Variants in ORC1 observed in about 807,000 individuals in gnomAD.
ORC1 encodes origin recognition complex, subunit 1 homolog.
Under a neutral mutation model 98.9 loss-of-function variants are expected in ORC1, and 61 were observed. The ratio of observed to expected loss-of-function variants is 0.62; its 90% confidence interval spans 0.50 to 0.76. ORC1 has a LOEUF of 0.76. ORC1 is among the 30% of genes least tolerant of loss of function. The probability of loss-of-function intolerance (pLI) is 0.00; values close to 1 mark genes in which losing one functional copy is unlikely to be tolerated. For synonymous variants in ORC1, 385 were observed against 406.9 expected (o/e 0.95, Z 0.65); for missense variants, 979 against 1,072.2 (o/e 0.91, Z 1.21).
At chr1:52,406,255 G>GT (rs1278445724), upstream of ORC1, among the ~76,000 whole-genome samples, 1 of 152,002 alleles carries the variant, frequency 6.6e-6, no homozygotes, top group African/African-American at 2.4e-5. Context: ...GCCTCCCAGA[G>GT]TGCTGGGATT....
At chr1:52,373,772 C>T (rs1646963536) in intron 16 of ORC1, among the ~76,000 whole-genome samples, 2 of 152,206 alleles carry the variant, frequency 1.3e-5, no homozygotes, top group South Asian at 4.1e-4. Context: ...TTGAGACTGT[C>T]AAAATTCAAG....
At chr1:52,408,190 A>AG, upstream of ORC1, 1 of 351,128 alleles carries the variant, frequency 2.8e-6, no homozygotes, top group South Asian at 2.2e-5. Flanking sequence ...CAGTGAGCCA[A>AG]GATCGTGCCA....
chr1:52,385,394 G>T, intron 9 of ORC1, 132 bp from the exon 10 acceptor site: 1 of 762,252 alleles, frequency 1.3e-6, no homozygotes, highest in Non-Finnish European at 2.4e-6. Flanking sequence ...TCAAATGCTA[G>T]AGAATCCCTT....
intron 9 of ORC1, 89 bp from the exon 10 acceptor site, chr1:52,385,351 T>G: frequency 2.2e-6 from 2 of 902,708 alleles, no homozygotes; most frequent in Non-Finnish European, 1.9e-6. Flanking sequence ...TGATTATGGT[T>G]TCTTGTCTAT....
upstream of ORC1, among the ~76,000 whole-genome samples, chr1:52,407,745 A>G (rs1233228529): frequency 2.0e-5 from 3 of 151,634 alleles, no homozygotes; most frequent in African/African-American, 7.3e-5. Flanking sequence ...ACATGGGGAA[A>G]CCCCGTCTCT....
At chr1:52,375,706 C>T in intron 14 of ORC1, 107 bp from the exon 15 acceptor site, 2 of 1,019,090 alleles carry the variant, frequency 2.0e-6, no homozygotes, top group Non-Finnish European at 3.1e-6. Context: ...GTACTTAGCC[C>T]TGGCAGGGAA....
upstream of ORC1, chr1:52,408,913 G>A: frequency 2.3e-6 from 1 of 442,466 alleles, no homozygotes; most frequent in Non-Finnish European, 4.0e-6. Flanking sequence ...CCCTTTCCAA[G>A]TGCATCTTAT....
At chr1:52,392,901 C>T (rs114482059) in intron 6 of ORC1, among the ~76,000 whole-genome samples, 1,821 of 152,140 alleles carry the variant, frequency 0.012, 47 homozygotes, top group African/African-American at 0.042. Flanking sequence ...TTTGGGGACT[C>T]GGGGAAGGGT....
chr1:52,379,347 G>A (rs1436528769), intron 14 of ORC1, among the ~76,000 whole-genome samples: 4 of 150,454 alleles, frequency 2.7e-5, no homozygotes, highest in African/African-American at 7.3e-5. Flanking sequence ...AGGTTCAAGC[G>A]ATTCTCCTGC....
At chr1:52,391,697 G>A (rs1299073055) in intron 6 of ORC1, among the ~76,000 whole-genome samples, 1 of 152,084 alleles carries the variant, frequency 6.6e-6, no homozygotes. Flanking sequence ...TCAGGAGTTC[G>A]AGACTAGCCT....
chr1:52,395,983 T>C lies in ORC1; in HGVS notation c.721+63A>G, dbSNP rs1428484686. 2.5e-6 allele frequency: 4 copies of C among 1,608,226 alleles called. No homozygotes were observed. In the East Asian group the frequency reaches 6.7e-5, roughly 27 times the overall value. On this transcript the variant is annotated intron_variant, in intron 5 of 16. Transcript: ENST00000371568. ...TAACTCAATACTTTCCCATAAATTATCATTTTTATCACATAACCCTTTAGC... is the reference window on the plus strand; with the variant it reads ...TAACTCAATACTTTCCCATAAATTACCATTTTTATCACATAACCCTTTAGC...
chr1:52,407,545 T>G (rs1553149487), upstream of ORC1, among the ~76,000 whole-genome samples: 1 of 152,270 alleles, frequency 6.6e-6, no homozygotes, highest in Non-Finnish European at 1.5e-5. Context: ...CCCAGATGAC[T>G]TACTTTTTTC....
At position 52,393,494 on chromosome 1, in the gene ORC1, C is replaced by T; in HGVS notation, c.1031G>A (p.Arg344Lys). 6.2e-7 allele frequency: 1 copy of T among 1,614,212 alleles called. No homozygotes were observed. Among genetic ancestry groups the T allele is most frequent in the Non-Finnish European group, 8.5e-7 (1 of 1,180,044 alleles). ...AATCACGGATGGCACCACTGAAGAT[C>T]TCTGTCCCCCACTGATAGGGGTAAG... ...RTLTPISGGQRSSVVPSVILK... is the reference protein window; with the variant it reads ...RTLTPISGGQKSSVVPSVILK... Residue 344 changes from arginine (R) to lysine (K), a missense_variant, in exon 6 of 17, where the codon AGA becomes AAA. Arg to Lys is a conservative substitution (Grantham distance 26). Transcript: ENST00000371568.
upstream of ORC1, among the ~76,000 whole-genome samples, chr1:52,407,190 T>C (rs139973701): frequency 0.015 from 2,332 of 152,272 alleles, 22 homozygotes; most frequent in Non-Finnish European, 0.024. Flanking sequence ...GCTAATTTTT[T>C]GTATTTTTAC....
In ORC1 at chr1:52,384,534, A is replaced by G. The variant is rs746691660; in HGVS notation, c.1755+16T>C. On this transcript the variant is annotated intron_variant, in intron 11 of 16. Coordinates refer to ENST00000371568, the MANE Select transcript of ORC1 (RefSeq NM_004153.4). Reference sequence around the variant, plus strand: ...AGAAACAGCATTTTCCAAAAAGCCTAAACAGCTCTGCTTACCTGCAAGATT... The same window carrying G: ...AGAAACAGCATTTTCCAAAAAGCCTGAACAGCTCTGCTTACCTGCAAGATT... 1.2e-6 allele frequency: 2 copies of G among 1,612,990 alleles called. No homozygotes were observed. Among genetic ancestry groups the G allele is most frequent in the East Asian group, 2.2e-5 (1 of 44,886 alleles).
chr1:52,403,369 G>A (rs1647822760), intron 1 of ORC1, among the ~76,000 whole-genome samples: 1 of 152,166 alleles, frequency 6.6e-6, no homozygotes, highest in Non-Finnish European at 1.5e-5. Context: ...TGAATACTAT[G>A]GAACTAACAT....
At chr1:52,406,557 ACTTTG>A (rs1265025439), upstream of ORC1, among the ~76,000 whole-genome samples, 1 of 152,168 alleles carries the variant, frequency 6.6e-6, no homozygotes, top group African/African-American at 2.4e-5. Context: ...AATTTTCTAA[ACTTTG>A]CTTATCTGTA....
chr1:52,393,251 C>T (rs1313633108), intron 6 of ORC1, among the ~76,000 whole-genome samples, 192 bp downstream of exon 6: 5 of 152,164 alleles, frequency 3.3e-5, no homozygotes, highest in African/African-American at 1.2e-4. Flanking sequence ...ATACAGATTC[C>T]TAGGGCCAGT....
rs181709116 is a variant in ORC1 at position 52,400,231 on chromosome 1, T to C, written c.223+1131A>G. On this transcript the variant is annotated intron_variant, in intron 3 of 16. Transcript: ENST00000371568. ...GGTACGCGCCAAGACCAGTAGATGC[T>C]TGAACCTGCAGATGCTGCCACTAAC... Among the ~76,000 whole-genome samples, 5 of 152,306 alleles carry C rather than the reference T, an allele frequency of 3.3e-5. No individual in the cohort carries two copies. The East Asian group carries it at 7.7e-4, about 24-fold the overall frequency.
Sources: gnomAD v4.1 joint callset for allele counts (sites outside exome capture counted in the v4.1 genomes callset) on GRCh38, gnomAD v4.1.1 for gene constraint, MANE v1.5 for transcripts, NCBI Gene and HGNC (gene_info 2026-07-23, HGNC 2026-07-21) for gene names.